Variants in FMN2 observed in about 807,000 individuals in gnomAD.
FMN2 encodes formin-2.
A neutral mutation model predicts 142.3 loss-of-function variants in FMN2; 51 were observed. That is an observed-to-expected ratio of 0.36 (90% CI 0.29 to 0.45). The LOEUF is 0.45. FMN2 is among the 20% of genes least tolerant of loss of function. The pLI, the probability that FMN2 is intolerant of heterozygous loss-of-function variation, is 1.00. For missense variants in FMN2, 1,936 were observed against 2,122.8 expected (o/e 0.91, Z 1.73); for synonymous variants, 882 against 869.8 (o/e 1.01, Z -0.25).
chr1:240,174,312 G>A (rs553133083), intron 2 of FMN2, among the ~76,000 whole-genome samples: 22 of 152,266 alleles, frequency 1.4e-4, no homozygotes, highest in Non-Finnish European at 2.2e-4. Flanking sequence ...ACTGGAGGGC[G>A]GTGAAGGATA....
At chr1:240,384,094 A>G (rs1258550888) in intron 14 of FMN2, among the ~76,000 whole-genome samples, 4 of 152,142 alleles carry the variant, frequency 2.6e-5, no homozygotes, top group Non-Finnish European at 4.4e-5. Context: ...TGGGAGCTAA[A>G]TAATGGCTAC....
intron 12 of FMN2, 59 bp downstream of exon 12, chr1:240,334,005 G>C: frequency 6.4e-7 from 1 of 1,573,102 alleles, no homozygotes; most frequent in South Asian, 1.2e-5. Flanking sequence ...GGATGATTTG[G>C]CAGTACTTTT....
At chr1:240,329,517 C>T in intron 10 of FMN2, 49 bp downstream of exon 10, 1 of 1,590,940 alleles carries the variant, frequency 6.3e-7, no homozygotes, top group Admixed American at 1.8e-5. Flanking sequence ...TTTAATTGTG[C>T]TCAGCCATGT....
intron 2 of FMN2, among the ~76,000 whole-genome samples, chr1:240,149,108 A>T (rs989343664): frequency 6.6e-6 from 1 of 152,212 alleles, no homozygotes; most frequent in African/African-American, 2.4e-5. Context: ...GTGCTTTTGA[A>T]ATACAAGGGG....
chr1:240,426,736 TTTTA>T (rs1196727584), intron 15 of FMN2, among the ~76,000 whole-genome samples: 5 of 152,084 alleles, frequency 3.3e-5, no homozygotes, highest in African/African-American at 1.2e-4. Flanking sequence ...TACCCTTTTA[TTTTA>T]TTTATTTATT....
intron 8 of FMN2, among the ~76,000 whole-genome samples, chr1:240,316,816 C>G (rs1300761106): frequency 6.6e-6 from 1 of 152,036 alleles, no homozygotes; most frequent in Non-Finnish European, 1.5e-5. Flanking sequence ...CCAGTTTTCC[C>G]CAATGATAGC....
At chr1:240,235,500 C>A (rs1667678723) in intron 6 of FMN2, among the ~76,000 whole-genome samples, 1 of 151,768 alleles carries the variant, frequency 6.6e-6, no homozygotes, top group Admixed American at 6.6e-5. Context: ...CAGCTTCAAA[C>A]TCCTGGGCTT....
chr1:240,194,586 C>T (rs1260906204), intron 4 of FMN2, among the ~76,000 whole-genome samples: 1 of 152,204 alleles, frequency 6.6e-6, no homozygotes, highest in Non-Finnish European at 1.5e-5. Context: ...GCTGTGTCTA[C>T]TAACTGGCAG....
At chr1:240,171,886 G>A (rs1192809640) in intron 2 of FMN2, among the ~76,000 whole-genome samples, 2 of 46,176 alleles carry the variant, frequency 4.3e-5, no homozygotes, top group Non-Finnish European at 4.0e-5. Context: ...TATGCCTATG[G>A]TAGAAAGTTT....
intron 4 of FMN2, among the ~76,000 whole-genome samples, chr1:240,190,560 G>A (rs557627508): frequency 1.2e-4 from 18 of 151,996 alleles, no homozygotes; most frequent in Admixed American, 5.9e-4. Flanking sequence ...ATTATAATGC[G>A]CATTTAACTG....
chr1:240,121,461 C>T (rs1466441417), intron 1 of FMN2, among the ~76,000 whole-genome samples: 5 of 151,014 alleles, frequency 3.3e-5, no homozygotes, highest in Non-Finnish European at 5.9e-5. Flanking sequence ...CTGCAAGCTC[C>T]GTCTCCCGGG....
Position 240,178,068 on chromosome 1 carries a change from G to C in FMN2, c.1930G>C (p.Glu644Gln). 6.3e-7 allele frequency: 1 copy of C among 1,587,300 alleles called. No homozygotes were observed. The highest frequency in any genetic ancestry group is 8.5e-7 in the Non-Finnish European group (1 of 1,171,118). ...ACACAGGCTCGAGGATGCTGAAACA[G>C]GTAACCCTTTCCTTTGTCTTCAGAG... is the stretch of plus-strand genomic sequence containing the variant. The part of the protein sequence containing the change: ...EEHRLEDAET[E>Q]SQSAVSETPQ... The change falls in exon 3 of 18, where the codon GAA becomes CAA. Residue 644 changes from glutamate to glutamine, a missense_variant and splice_region_variant. Transcript: ENST00000319653.
chr1:240,384,740 G>A (rs1673357574), intron 14 of FMN2, among the ~76,000 whole-genome samples: 1 of 152,112 alleles, frequency 6.6e-6, no homozygotes, highest in Admixed American at 6.5e-5. Flanking sequence ...TTGGAATCCT[G>A]TCTCATTTAT....
chr1:240,372,608 C>A (rs1242166961), intron 14 of FMN2, among the ~76,000 whole-genome samples: 1 of 148,998 alleles, frequency 6.7e-6, no homozygotes, highest in Non-Finnish European at 1.5e-5. Flanking sequence ...AAAGGAAAAC[C>A]AAACCTAAAT....
intron 1 of FMN2, among the ~76,000 whole-genome samples, chr1:240,103,169 G>A (rs1262178993): frequency 4.6e-5 from 7 of 152,134 alleles, no homozygotes; most frequent in Non-Finnish European, 8.8e-5. Context: ...CCTGGCCAAT[G>A]CCTTTAATAA....
chr1:240,204,792 A>G (rs1052225385), intron 4 of FMN2, among the ~76,000 whole-genome samples: 8 of 152,146 alleles, frequency 5.3e-5, no homozygotes, highest in Non-Finnish European at 1.2e-4. Context: ...GATGGGGGGA[A>G]AAAGGTGCCC....
At chr1:240,456,638 T>G (rs576277120) in intron 16 of FMN2, among the ~76,000 whole-genome samples, 1 of 152,272 alleles carries the variant, frequency 6.6e-6, no homozygotes, top group South Asian at 2.1e-4. Context: ...GTATTTTTAG[T>G]AGAGACAGGG....
At chr1:240,225,406 C>T (rs1002045438) in intron 6 of FMN2, among the ~76,000 whole-genome samples, 1 of 152,188 alleles carries the variant, frequency 6.6e-6, no homozygotes, top group African/African-American at 2.4e-5. Flanking sequence ...GGCTCATGCC[C>T]ATTCAGGGGT....
intron 15 of FMN2, among the ~76,000 whole-genome samples, chr1:240,426,701 T>C (rs1053297441): frequency 6.6e-6 from 1 of 152,124 alleles, no homozygotes; most frequent in Non-Finnish European, 1.5e-5. Flanking sequence ...CATCCATATA[T>C]ATTTTAGTAT....
Sources: gnomAD v4.1 joint callset for allele counts (sites outside exome capture counted in the v4.1 genomes callset) on GRCh38, gnomAD v4.1.1 for gene constraint, MANE v1.5 for transcripts, NCBI Gene and HGNC (gene_info 2026-07-23, HGNC 2026-07-21) for gene names.